The following RFTN1 variants were observed in gnomAD, a reference collection of about 807,000 sequenced individuals.
RFTN1 encodes the protein raftlin, lipid raft linker 1.
Under a neutral mutation model 46.5 loss-of-function variants are expected in RFTN1, and 26 were observed. The observed-to-expected ratio is 0.56, with a 90% CI of 0.41 to 0.78. The LOEUF (loss-of-function observed/expected upper bound fraction) is 0.78, where lower values mean the gene tolerates loss of function less well. RFTN1 is among the 30% of genes least tolerant of loss of function. RFTN1 has a pLI of 0.00. For missense variants in RFTN1, 693 were observed against 718.7 expected (o/e 0.96, Z 0.41); for synonymous variants, 261 against 284.2 (o/e 0.92, Z 0.82).
chr3:16,433,950 G>T lies in RFTN1; in HGVS notation c.233C>A (p.Ser78Ter). The change falls in exon 3 of 10, where the codon TCG (serine) becomes TAG (stop). Residue 78 changes from serine to a stop codon, truncating the protein, a stop_gained. Coordinates refer to ENST00000334133, the MANE Select transcript of RFTN1 (RefSeq NM_015150.2). LOFTEE classifies it high-confidence loss of function. This position sits in a 1 kb window ranked among gnomAD's most constrained non-coding sequence, Gnocchi z 4.4. ...CACGAAGGGGTGCAGGGCCGCCAGC[G>T]AGAAGCCCTGCTGGTACAGCTCCAG... ...QLLELYQQGF[S>*]LAALHPFVQP... 6.2e-7 allele frequency: 1 copy of T among 1,614,118 alleles called. No homozygotes were observed. Among genetic ancestry groups the T allele is most frequent in the Non-Finnish European group, 8.5e-7 (1 of 1,180,020 alleles).
In RFTN1 at chr3:16,374,941, G is replaced by A. The variant is rs559310494; in HGVS notation, c.826+2777C>T. Among the ~76,000 whole-genome samples the A allele has an allele frequency of 4.6e-5, 7 of 152,242 alleles. No individual in the cohort carries two copies. Among genetic ancestry groups the A allele is most frequent in the African/African-American group, 1.2e-4 (5 of 41,534 alleles). On this transcript the variant is annotated intron_variant, in intron 5 of 9. Coordinates refer to ENST00000334133, the MANE Select transcript of RFTN1 (RefSeq NM_015150.2). The surrounding 1 kb of genome is among the most constrained non-coding windows in gnomAD (Gnocchi z 5.4). The stretch of plus-strand genomic sequence containing the variant: ...GGAGGGACGACCTGCCCCTGCTTCC[G>A]CATGGAGAATCCACTGGAAAGTCCT...
Position 16,342,903 on chromosome 3 carries a change from G to T in RFTN1, c.1146+15029C>A, listed in dbSNP as rs111973730. On this transcript the variant is annotated intron_variant, in intron 7 of 9. Coordinates refer to ENST00000334133, the MANE Select transcript of RFTN1 (RefSeq NM_015150.2). The surrounding 1 kb of genome is among the most constrained non-coding windows in gnomAD (Gnocchi z 4.0). Reference sequence around the variant, plus strand: ...CGAAGACCCACTGACTTTGAGTCTCGATCTCAGCTCACTGCAGCCTCAACC... The same window carrying T: ...CGAAGACCCACTGACTTTGAGTCTCTATCTCAGCTCACTGCAGCCTCAACC... 6.6e-6 allele frequency among the ~76,000 whole-genome samples: 1 copy of T among 152,160 alleles called. No individual in the cohort carries two copies. Among genetic ancestry groups the T allele is most frequent in the African/African-American group, 2.4e-5 (1 of 41,424 alleles).
At position 16,447,774 on chromosome 3, in the gene RFTN1, T is replaced by G. The variant is rs1301777966; in HGVS notation, c.146-13737A>C. Among the ~76,000 whole-genome samples, 1 of 152,184 alleles carries G rather than the reference T, an allele frequency of 6.6e-6. No homozygotes were observed. Among genetic ancestry groups the G allele is most frequent in the Non-Finnish European group, 1.5e-5 (1 of 68,036 alleles). ...GAAGAAAAATACGATCTATCCACCG[T>G]TGGCACAAGAAGGGAAAGATGGATT... On this transcript the variant is annotated intron_variant, in intron 2 of 9. Coordinates refer to ENST00000334133, the MANE Select transcript of RFTN1 (RefSeq NM_015150.2). The surrounding 1 kb of genome is among the most constrained non-coding windows in gnomAD (Gnocchi z 5.9).
At chr3:16,357,888 T>C in intron 7 of RFTN1, 44 bp downstream of exon 7, 1 of 1,199,594 alleles carries the variant, frequency 8.3e-7, no homozygotes, top group Middle Eastern at 1.9e-4. Context: ...ATAAAACAAG[T>C]GCTGTCTAAA....
At chr3:16,441,299 T>TAAAAAAA (rs59877269) in intron 2 of RFTN1, among the ~76,000 whole-genome samples, 8 of 47,532 alleles carry the variant, frequency 1.7e-4, no homozygotes, top group Admixed American at 4.1e-4. Flanking sequence ...TTCCAAGAAC[T>TAAAAAAA]AAAAAAAAAA....
rs1193180830 is a variant in RFTN1, at chr3:16,413,398, A to G, written c.333-3915T>C. On this transcript the variant is annotated intron_variant, in intron 3 of 9. Transcript: ENST00000334133. This position sits in a 1 kb window ranked among gnomAD's most constrained non-coding sequence, Gnocchi z 4.7. The stretch of plus-strand genomic sequence containing the variant: ...ATATTCCGCTATCAATCTAGTTTCT[A>G]TGGAAGAAGCATTAACCTGAAACTC... 6.6e-6 allele frequency among the ~76,000 whole-genome samples: 1 copy of G among 152,238 alleles called. No individual in the cohort carries two copies. The highest frequency in any genetic ancestry group is 1.5e-5 in the Non-Finnish European group (1 of 68,042).
intron 1 of RFTN1, among the ~76,000 whole-genome samples, chr3:16,495,298 A>G (rs2076606433): frequency 6.6e-6 from 1 of 152,244 alleles, no homozygotes; most frequent in Non-Finnish European, 1.5e-5. Flanking sequence ...ATCCACTGGG[A>G]CAAAGCAGAA....
chr3:16,355,106 CCTCTT>C (rs2125327333), intron 7 of RFTN1, among the ~76,000 whole-genome samples: 1 of 152,314 alleles, frequency 6.6e-6, no homozygotes, highest in Admixed American at 6.5e-5. Context: ...CTACAGCTCT[CCTCTT>C]CTTCTGAGCC....
rs547343927 is a variant in RFTN1, at chr3:16,504,291, A to G, written c.-9+9151T>C. 6.6e-6 allele frequency among the ~76,000 whole-genome samples: 1 copy of G among 152,222 alleles called. No homozygotes were observed. Among genetic ancestry groups the G allele is most frequent in the Non-Finnish European group, 1.5e-5 (1 of 68,038 alleles). On this transcript the variant is annotated intron_variant, in intron 1 of 9. Transcript: ENST00000334133. The surrounding 1 kb of genome is among the most constrained non-coding windows in gnomAD (Gnocchi z 4.4). ...TCTTAACTAACCACAATTACTTGCTAATGGGATGTGTGCATCTGTTGGACA... is the reference window on the plus strand; with the variant it reads ...TCTTAACTAACCACAATTACTTGCTGATGGGATGTGTGCATCTGTTGGACA...
rs1491505578 is a variant in RFTN1 at position 16,433,184 on chromosome 3, TTA to T, written c.332+665_332+666del. 2.5e-4 allele frequency among the ~76,000 whole-genome samples: 27 copies of T among 106,358 alleles called. No homozygotes were observed. Among genetic ancestry groups the T allele is most frequent in the African/African-American group, 1.1e-3 (26 of 23,442 alleles). 69.8% of individuals were successfully genotyped at this position (106,358 alleles called of 152,430 possible). A position where few individuals can be genotyped will look rare whatever the true frequency, so the allele number is the denominator to read the frequency against. Reference sequence around the variant, plus strand: ...ATCCCATCCTCACTGTTTTTTTTTTTTAAAAAAATTAATATTGTTCCTTTTGA... The same window carrying T: ...ATCCCATCCTCACTGTTTTTTTTTTTAAAAAATTAATATTGTTCCTTTTGA... On this transcript the variant is annotated intron_variant, in intron 3 of 9. Transcript: ENST00000334133. This position sits in a 1 kb window ranked among gnomAD's most constrained non-coding sequence, Gnocchi z 4.4.
chr3:16,332,884 C>T (rs1232822353), intron 7 of RFTN1, among the ~76,000 whole-genome samples: 1 of 152,154 alleles, frequency 6.6e-6, no homozygotes, highest in Non-Finnish European at 1.5e-5. Flanking sequence ...TTCTTGGTAG[C>T]TATGTTCTGT....
Position 16,473,672 on chromosome 3 carries a change from G to A in RFTN1, c.145+20053C>T, listed in dbSNP as rs1317423886. Reference sequence around the variant, plus strand: ...TCCACCCGCCTTGGCCTCCCAAAGTGCTAAGATTACAGTTGTGAGCCACTG... The same window carrying A: ...TCCACCCGCCTTGGCCTCCCAAAGTACTAAGATTACAGTTGTGAGCCACTG... On this transcript the variant is annotated intron_variant, in intron 2 of 9. Transcript: ENST00000334133. The surrounding 1 kb of genome is among the most constrained non-coding windows in gnomAD (Gnocchi z 5.3). Among the ~76,000 whole-genome samples the A allele has an allele frequency of 6.6e-6, 1 of 152,132 alleles. No individual in the cohort carries two copies. The highest frequency in any genetic ancestry group is 1.5e-5 in the Non-Finnish European group (1 of 68,024).
intron 1 of RFTN1, among the ~76,000 whole-genome samples, chr3:16,501,879 T>A (rs1249881979): frequency 1.3e-5 from 2 of 152,244 alleles, no homozygotes; most frequent in African/African-American, 4.8e-5. Context: ...CCGTCGAAAG[T>A]GTTCCTGATC....
At chr3:16,372,809 C>T (rs1179480878) in intron 5 of RFTN1, among the ~76,000 whole-genome samples, 1 of 152,198 alleles carries the variant, frequency 6.6e-6, no homozygotes. Flanking sequence ...CCCCAGGGGG[C>T]CAGACTGAAG....
intron 6 of RFTN1, among the ~76,000 whole-genome samples, chr3:16,359,814 ACC>A (rs2072710976): frequency 6.6e-6 from 1 of 151,720 alleles, no homozygotes; most frequent in South Asian, 2.1e-4. Context: ...TAATAATGTG[ACC>A]TTTTTTTTTT....
chr3:16,470,347 T>C (rs1319477780), intron 2 of RFTN1, among the ~76,000 whole-genome samples: 3 of 152,176 alleles, frequency 2.0e-5, no homozygotes, highest in East Asian at 1.9e-4. Context: ...CATCAACACT[T>C]GCAAGAAAAG....
In RFTN1 at chr3:16,323,470, G is replaced by T. The variant is rs780208556; in HGVS notation, c.1251-13C>A. The T allele has an allele frequency of 6.2e-7, 1 of 1,605,900 alleles. No individual in the cohort carries two copies. Among genetic ancestry groups the T allele is most frequent in the South Asian group, 1.1e-5 (1 of 90,758 alleles). On this transcript the variant is annotated splice_polypyrimidine_tract_variant and intron_variant, in intron 8 of 9. Coordinates refer to ENST00000334133, the MANE Select transcript of RFTN1 (RefSeq NM_015150.2). ...TACACTCCCCTCGCTGTAACACACGGAGCTGAGAATGAGCCACTTTATGCC... is the reference window on the plus strand; with the variant it reads ...TACACTCCCCTCGCTGTAACACACGTAGCTGAGAATGAGCCACTTTATGCC...
At position 16,376,053 on chromosome 3, in the gene RFTN1, G is replaced by A. The variant is rs1405435280; in HGVS notation, c.826+1665C>T. On this transcript the variant is annotated intron_variant, in intron 5 of 9. Transcript: ENST00000334133. This position sits in a 1 kb window ranked among gnomAD's most constrained non-coding sequence, Gnocchi z 4.7. ...CAGGAAGTCTGGAAGGAGTATCGGA[G>A]GAAGGTGGGCTCTGGAACACAGGAA... Among the ~76,000 whole-genome samples, 1 of 152,132 alleles carries A rather than the reference G, an allele frequency of 6.6e-6. No homozygotes were observed. Among genetic ancestry groups the A allele is most frequent in the Non-Finnish European group, 1.5e-5 (1 of 68,020 alleles).
chr3:16,445,519 A>G lies in RFTN1; in HGVS notation c.146-11482T>C, dbSNP rs112759929. Among the ~76,000 whole-genome samples the G allele has an allele frequency of 4.4e-3, 663 of 150,304 alleles. 3 individuals carry two copies. The highest frequency in any genetic ancestry group is 0.015 in the African/African-American group (628 of 40,584). ...CACACACACACACACACACACACAC[A>G]CAGCTCTCTACCAGCGCTGTCCAAG... is the stretch of plus-strand genomic sequence containing the variant. On this transcript the variant is annotated intron_variant, in intron 2 of 9. Transcript: ENST00000334133.
Sources: gnomAD v4.1 joint callset for allele counts (sites outside exome capture counted in the v4.1 genomes callset) on GRCh38, gnomAD v4.1.1 for gene constraint, Gnocchi (gnomAD v3.1) non-coding constraint, MANE v1.5 for transcripts, NCBI Gene and HGNC (gene_info 2026-07-23, HGNC 2026-07-21) for gene names.